Variants in ADAMTS16 observed in about 807,000 individuals in gnomAD.
The protein encoded by ADAMTS16 is A disintegrin and metalloproteinase with thrombospondin motifs 16.
Under a neutral mutation model 145.8 loss-of-function variants are expected in ADAMTS16, and 94 were observed. That is an observed-to-expected ratio of 0.64 (90% CI 0.55 to 0.77). ADAMTS16 has a LOEUF of 0.77. ADAMTS16 is among the 30% of genes least tolerant of loss of function. The pLI is 0.00. For missense variants in ADAMTS16, 1,585 were observed against 1,591.5 expected (o/e 1.00, Z 0.07); for synonymous variants, 659 against 604.3 (o/e 1.09, Z -1.33).
At chr5:5,151,462 A>T (rs1461495859) in intron 3 of ADAMTS16, among the ~76,000 whole-genome samples, 1 of 150,260 alleles carries the variant, frequency 6.7e-6, no homozygotes, top group Non-Finnish European at 1.5e-5. Context: ...CTGGTCTTGA[A>T]CTCCTGACCT....
chr5:5,153,513 TC>T (rs1734525520), intron 3 of ADAMTS16, among the ~76,000 whole-genome samples: 1 of 152,230 alleles, frequency 6.6e-6, no homozygotes, highest in Non-Finnish European at 1.5e-5. Flanking sequence ...ATAATCCACT[TC>T]ATCTGATTTC....
intron 3 of ADAMTS16, among the ~76,000 whole-genome samples, chr5:5,154,119 C>T (rs1734541805): frequency 6.6e-6 from 1 of 152,060 alleles, no homozygotes; most frequent in African/African-American, 2.4e-5. Context: ...TGTTCTTGAG[C>T]CAGTATAATA....
chr5:5,178,711 A>T (rs1735259344), intron 3 of ADAMTS16, among the ~76,000 whole-genome samples: 1 of 152,212 alleles, frequency 6.6e-6, no homozygotes, highest in African/African-American at 2.4e-5. Context: ...TGCCAACTGC[A>T]GCTGGACACC....
chr5:5,267,451 G>A (rs1738283051), intron 18 of ADAMTS16, among the ~76,000 whole-genome samples: 1 of 152,140 alleles, frequency 6.6e-6, no homozygotes, highest in Admixed American at 6.5e-5. Context: ...TGAATGGGGA[G>A]CCAGAAAGGG....
intron 17 of ADAMTS16, among the ~76,000 whole-genome samples, chr5:5,245,297 T>C (rs1737406327): frequency 6.6e-6 from 1 of 152,172 alleles, no homozygotes; most frequent in South Asian, 2.1e-4. Flanking sequence ...TGATTGATAT[T>C]GGAGGGTGAA....
At chr5:5,264,820 C>A (rs1204334301) in intron 18 of ADAMTS16, among the ~76,000 whole-genome samples, 1 of 152,186 alleles carries the variant, frequency 6.6e-6, no homozygotes, top group East Asian at 1.9e-4. Context: ...AGATGCAGCA[C>A]ACTGAGGCAT....
At chr5:5,196,818 C>T (rs958845551) in intron 8 of ADAMTS16, among the ~76,000 whole-genome samples, 2 of 152,182 alleles carry the variant, frequency 1.3e-5, no homozygotes, top group African/African-American at 4.8e-5. Context: ...TTTACTATCC[C>T]ATTTTATATA....
chr5:5,183,999 G>A (rs891585153), intron 4 of ADAMTS16, among the ~76,000 whole-genome samples: 3 of 152,212 alleles, frequency 2.0e-5, no homozygotes, highest in African/African-American at 7.2e-5. Context: ...ACATCCTGCT[G>A]TTTGCCAAAT....
At position 5,271,367 on chromosome 5, in the gene ADAMTS16, G is replaced by A. The variant is rs114396259; in HGVS notation, c.2789+8584G>A. Among the ~76,000 whole-genome samples the A allele has an allele frequency of 8.7e-3, 1,326 of 152,306 alleles. 20 individuals are homozygous for A. The highest frequency in any genetic ancestry group is 0.03 in the African/African-American group (1,230 of 41,588). On this transcript the variant is annotated intron_variant, in intron 18 of 22. Coordinates refer to ENST00000274181, the MANE Select transcript of ADAMTS16 (RefSeq NM_139056.4). ...AATTCCCAGTGGCTCCTCCAGGACC[G>A]GGGAGCTGTGCAGCCTGTGGCTCCC...
chr5:5,232,757 C>T (rs1416880673), intron 12 of ADAMTS16, among the ~76,000 whole-genome samples: 1 of 151,892 alleles, frequency 6.6e-6, no homozygotes, highest in East Asian at 1.9e-4. Flanking sequence ...GTGCCACCAC[C>T]ACGCCCTCCT....
intron 3 of ADAMTS16, among the ~76,000 whole-genome samples, chr5:5,164,243 C>T (rs147845189): frequency 2.4e-3 from 371 of 152,334 alleles, no homozygotes; most frequent in Middle Eastern, 3.4e-3. Flanking sequence ...TTTCGGGCTG[C>T]CCTGTGCAGT....
chr5:5,297,534 G>A (rs145644529), intron 18 of ADAMTS16, among the ~76,000 whole-genome samples: 5 of 152,290 alleles, frequency 3.3e-5, no homozygotes, highest in African/African-American at 9.6e-5. Context: ...TTTGAAAAGC[G>A]AGGTCAGTTT....
chr5:5,289,639 G>A (rs1029600592), intron 18 of ADAMTS16, among the ~76,000 whole-genome samples: 6 of 152,236 alleles, frequency 3.9e-5, no homozygotes, highest in Non-Finnish European at 8.8e-5. Context: ...AGTAGAATTG[G>A]TTAAATCAGC....
At chr5:5,156,907 G>A (rs1008210997) in intron 3 of ADAMTS16, among the ~76,000 whole-genome samples, 4 of 152,164 alleles carry the variant, frequency 2.6e-5, no homozygotes, top group Non-Finnish European at 5.9e-5. Context: ...GCTGTTCTCA[G>A]TAATCCCCTA....
chr5:5,170,119 C>T (rs1272775448), intron 3 of ADAMTS16, among the ~76,000 whole-genome samples: 6 of 152,060 alleles, frequency 3.9e-5, no homozygotes, highest in Non-Finnish European at 1.5e-5. Flanking sequence ...TTTGAGGAAT[C>T]TCCGAATTGT....
At chr5:5,182,754 G>A (rs1325317669) in intron 4 of ADAMTS16, among the ~76,000 whole-genome samples, 1 of 151,902 alleles carries the variant, frequency 6.6e-6, no homozygotes, top group Non-Finnish European at 1.5e-5. Context: ...TAGTAGACCT[G>A]CGATTTATCA....
At chr5:5,268,440 G>A (rs1407104156) in intron 18 of ADAMTS16, among the ~76,000 whole-genome samples, 2 of 152,264 alleles carry the variant, frequency 1.3e-5, no homozygotes, top group Non-Finnish European at 1.5e-5. Flanking sequence ...CTGCAACTGC[G>A]ACTGCTACTG....
At position 5,231,008 on chromosome 5, in the gene ADAMTS16, G is replaced by C. The variant is rs574133146; in HGVS notation, c.1702-1360G>C. ...GCTATGACCAGATGGTTTTTAAAAA[G>C]GGGGGAAAAGAAAACGACAACAACT... is the stretch of plus-strand genomic sequence containing the variant. On this transcript the variant is annotated intron_variant, in intron 11 of 22. Transcript: ENST00000274181. Among the ~76,000 whole-genome samples the C allele has an allele frequency of 4.9e-4, 75 of 152,250 alleles. 1 individual carries two copies. The highest frequency in any genetic ancestry group is 1.8e-3 in the African/African-American group (74 of 41,546).
chr5:5,140,534 G>A lies in ADAMTS16; in HGVS notation c.67G>A (p.Glu23Lys). Residue 23 changes from glutamate (E) to lysine (K), a missense_variant, in exon 1 of 23, where the codon GAG becomes AAG. Transcript: ENST00000274181. ...ALWMLLAQVAEQAPACAMGPA... is the reference protein window; with the variant it reads ...ALWMLLAQVAKQAPACAMGPA... The stretch of plus-strand genomic sequence containing the variant: ...GTGGATGCTGTTGGCGCAGGTGGCC[G>A]AGCAGGTGAGTCCCGGGCGCTCCCA... The A allele has an allele frequency of 1.3e-6, 2 of 1,512,774 alleles. No individual in the cohort carries two copies. The highest frequency in any genetic ancestry group is 5.3e-5 in the East Asian group (2 of 37,904). The allele number at this position is 1,512,774 out of a possible 1,614,324, so 93.7% of individuals were successfully genotyped here. A position where few individuals can be genotyped will look rare whatever the true frequency, so the allele number is the denominator to read the frequency against.
Sources: allele counts gnomAD v4.1 joint callset (sites outside exome capture counted in the v4.1 genomes callset), GRCh38; gene constraint gnomAD v4.1.1; transcripts MANE v1.5; gene names NCBI Gene and HGNC (gene_info 2026-07-23, HGNC 2026-07-21).